The following YTHDC1 variants were observed in gnomAD, a reference collection of about 807,000 sequenced individuals.
YTHDC1 encodes YTH domain-containing protein 1.
In YTHDC1, 12 loss-of-function variants were observed where a neutral mutation model predicts 107.0. That is an observed-to-expected ratio of 0.11 (90% CI 0.07 to 0.18). The LOEUF (loss-of-function observed/expected upper bound fraction) is 0.18, where lower values mean the gene tolerates loss of function less well. YTHDC1 is among the 10% of genes least tolerant of loss of function. The probability of loss-of-function intolerance (pLI) is 1.00; values close to 1 mark genes in which losing one functional copy is unlikely to be tolerated. For missense variants in YTHDC1, 635 were observed against 898.8 expected, an observed-to-expected ratio of 0.71 and a Z score of 3.75; for synonymous variants, 280 against 289.5, an observed-to-expected ratio of 0.97 and a Z score of 0.33.
At chr4:68,348,871 C>T (rs1725741964) in intron 1 of YTHDC1, among the ~76,000 whole-genome samples, 2 of 152,204 alleles carry the variant, frequency 1.3e-5, no homozygotes, top group African/African-American at 4.8e-5. Flanking sequence ...TGAAAAAGAT[C>T]TTAAAGCAGC....
chr4:68,318,223 C>T (rs558846954), intron 15 of YTHDC1, among the ~76,000 whole-genome samples: 52 of 152,102 alleles, frequency 3.4e-4, no homozygotes, highest in African/African-American at 1.1e-3. Context: ...TCAGCCTCCC[C>T]GAGTAGCTGG....
chr4:68,337,484 T>C (rs1344878326), intron 3 of YTHDC1, 34 bp from the exon 4 acceptor site: 11 of 1,606,982 alleles, frequency 6.8e-6, no homozygotes, highest in African/African-American at 6.7e-5. Flanking sequence ...TCAGCAGTCA[T>C]ATAAAAGACA....
intron 15 of YTHDC1, among the ~76,000 whole-genome samples, chr4:68,318,248 G>A (rs529026344): frequency 1.3e-5 from 2 of 152,158 alleles, no homozygotes; most frequent in East Asian, 1.9e-4. Flanking sequence ...ACAGGCACAC[G>A]CCACCACACC....
At chr4:68,326,613 C>T (rs1263732555) in intron 9 of YTHDC1, among the ~76,000 whole-genome samples, 2 of 152,054 alleles carry the variant, frequency 1.3e-5, no homozygotes, top group Non-Finnish European at 2.9e-5. Flanking sequence ...TGTTTTGAGA[C>T]ACAGTCTCAC....
At position 68,349,909 on chromosome 4, in the gene YTHDC1, C is replaced by G. The variant is rs1376410938; in HGVS notation, c.-156G>C. On this transcript the variant is annotated 5_prime_UTR_variant, in exon 1 of 17. Coordinates refer to ENST00000344157, the MANE Select transcript of YTHDC1 (RefSeq NM_001031732.4). ...GCCTCTTAACACTCAGCCTTCTCGA[C>G]TCTTCCCGCTTTTTCCCTTTCTCCC... is the stretch of plus-strand genomic sequence containing the variant. The G allele has an allele frequency of 1.0e-6, 1 of 982,030 alleles. No homozygotes were observed. Among genetic ancestry groups the G allele is most frequent in the Non-Finnish European group, 1.5e-6 (1 of 651,234 alleles). The allele number at this position is 982,030 out of a possible 1,614,324, so 60.8% of individuals were successfully genotyped here.
intron 7 of YTHDC1, among the ~76,000 whole-genome samples, chr4:68,330,906 T>C (rs977995693): frequency 2.0e-5 from 3 of 152,080 alleles, no homozygotes; most frequent in African/African-American, 4.8e-5. Context: ...TAAAAAGAAA[T>C]GGAATAATAA....
chr4:68,339,762 T>C (rs1724610615), intron 1 of YTHDC1, among the ~76,000 whole-genome samples: 1 of 152,118 alleles, frequency 6.6e-6, no homozygotes, highest in Non-Finnish European at 1.5e-5. Context: ...AAATTATCAA[T>C]GTGCTATATA....
chr4:68,318,983 C>T lies in YTHDC1; in HGVS notation c.1685-121G>A, dbSNP rs147308825. 763 of 1,009,046 alleles carry T rather than the reference C, an allele frequency of 7.6e-4. 4 individuals are homozygous for T. In the African/African-American group the frequency reaches 0.011, roughly 14 times the overall value. 62.5% of individuals were successfully genotyped at this position (1,009,046 alleles called of 1,614,324 possible). ...CATGAAATATGTACTTTAAGTGATGCTACTACTGTATTATCCCATTTTCAA... is the reference window on the plus strand; with the variant it reads ...CATGAAATATGTACTTTAAGTGATGTTACTACTGTATTATCCCATTTTCAA... On this transcript the variant is annotated intron_variant, in intron 12 of 16. Transcript: ENST00000344157.
rs1446772842 is a variant in YTHDC1, at chr4:68,318,587, A to G, written c.1762-6T>C. ...CTCACATAATCATTGTAGGACTAAA[A>G]TAAAAGATGATAATGTCAATATAAT... On this transcript the variant is annotated splice_region_variant and splice_polypyrimidine_tract_variant and intron_variant, in intron 14 of 16. Coordinates refer to ENST00000344157, the MANE Select transcript of YTHDC1 (RefSeq NM_001031732.4). The G allele has an allele frequency of 1.2e-6, 2 of 1,610,896 alleles. No individual in the cohort carries two copies. Among genetic ancestry groups the G allele is most frequent in the South Asian group, 2.2e-5 (2 of 90,428 alleles).
chr4:68,321,410 A>T (rs1722433916), intron 11 of YTHDC1, among the ~76,000 whole-genome samples: 1 of 152,204 alleles, frequency 6.6e-6, no homozygotes, highest in African/African-American at 2.4e-5. Flanking sequence ...TACGACCGGT[A>T]TAAAACATGA....
chr4:68,343,961 T>C (rs1725135097), intron 1 of YTHDC1: 1 of 152,200 alleles, frequency 6.6e-6, no homozygotes, highest in African/African-American at 2.4e-5. Flanking sequence ...ACTCAGCTCT[T>C]GAATGCTGTT....
chr4:68,343,066 G>T (rs1725024261), intron 1 of YTHDC1, among the ~76,000 whole-genome samples: 1 of 152,068 alleles, frequency 6.6e-6, no homozygotes, highest in Admixed American at 6.5e-5. Context: ...GAAATGCCAG[G>T]TTAAGAAAAG....
In YTHDC1 at chr4:68,322,631, T is replaced by C; in HGVS notation, c.1601+118A>G. 5.4e-6 allele frequency: 7 copies of C among 1,285,940 alleles called. No homozygotes were observed. Among genetic ancestry groups the C allele is most frequent in the African/African-American group, 1.5e-5 (1 of 67,438 alleles). The allele number at this position is 1,285,940 out of a possible 1,614,324, so 79.7% of individuals were successfully genotyped here. A position where few individuals can be genotyped will look rare whatever the true frequency, so the allele number is the denominator to read the frequency against. On this transcript the variant is annotated intron_variant, in intron 11 of 16. Transcript: ENST00000344157. The surrounding 1 kb of genome is among the most constrained non-coding windows in gnomAD (Gnocchi z 4.8). ...GAAGCCACAAACTAGTCCATGCAGC[T>C]TGATTTGAGGATTTTCTCTTTCTTC...
rs866311092 is a variant in YTHDC1, at chr4:68,322,191, G to A, written c.1601+558C>T. 1.3e-5 allele frequency among the ~76,000 whole-genome samples: 2 copies of A among 152,234 alleles called. No homozygotes were observed. Among genetic ancestry groups the A allele is most frequent in the Middle Eastern group, 3.4e-3 (1 of 294 alleles). On this transcript the variant is annotated intron_variant, in intron 11 of 16. Coordinates refer to ENST00000344157, the MANE Select transcript of YTHDC1 (RefSeq NM_001031732.4). The surrounding 1 kb of genome is among the most constrained non-coding windows in gnomAD (Gnocchi z 4.8). ...ATGTTAGAGAATATTTGGCAATAGGGTTAACACATCACGGTGATAAAATCT... is the reference window on the plus strand; with the variant it reads ...ATGTTAGAGAATATTTGGCAATAGGATTAACACATCACGGTGATAAAATCT...
intron 1 of YTHDC1, among the ~76,000 whole-genome samples, chr4:68,338,632 C>T (rs1052721578): frequency 4.6e-5 from 7 of 152,358 alleles, no homozygotes; most frequent in Non-Finnish European, 8.8e-5. Flanking sequence ...AGGCCAATCA[C>T]GTGACGCCAG....
chr4:68,337,996 G>C, intron 2 of YTHDC1, 96 bp from the exon 3 acceptor site: 1 of 1,482,554 alleles, frequency 6.7e-7, no homozygotes, highest in Non-Finnish European at 8.9e-7. Flanking sequence ...CAGGAAGGGG[G>C]GATAGGCCTC....
rs1206297110 is a variant in YTHDC1, at chr4:68,312,643, T to C, written c.*1456A>G. 1 of 152,242 alleles carries C rather than the reference T, an allele frequency of 6.6e-6. No individual in the cohort carries two copies. The highest frequency in any genetic ancestry group is 1.5e-5 in the Non-Finnish European group (1 of 68,040). The allele number at this position is 152,242 out of a possible 1,614,324, so 9.4% of individuals were successfully genotyped here. ...CATGCTGGTATGAATATGAATGCAG[T>C]ATAACTATAGTTTATTATATCCTTT... On this transcript the variant is annotated 3_prime_UTR_variant, in exon 17 of 17. Coordinates refer to ENST00000344157, the MANE Select transcript of YTHDC1 (RefSeq NM_001031732.4).
At chr4:68,334,065 T>C (rs977332626) in intron 4 of YTHDC1, among the ~76,000 whole-genome samples, 4 of 152,122 alleles carry the variant, frequency 2.6e-5, no homozygotes, top group Non-Finnish European at 5.9e-5. Flanking sequence ...CTTCAGTAAA[T>C]AGAAAAGGTT....
Position 68,332,856 on chromosome 4 carries a change from A to G in YTHDC1, c.974-9T>C, listed in dbSNP as rs759545075. On this transcript the variant is annotated splice_polypyrimidine_tract_variant and intron_variant, in intron 5 of 16. Transcript: ENST00000344157. ...ATGCTTCTTTTCTGAACCTGTATTT[A>G]GCCAAAGTACATTTGTTCAGATTGA... 1 of 1,612,338 alleles carries G rather than the reference A, an allele frequency of 6.2e-7. No homozygotes were observed.
Sources: gnomAD v4.1 joint callset for allele counts (sites outside exome capture counted in the v4.1 genomes callset) on GRCh38, gnomAD v4.1.1 for gene constraint, Gnocchi (gnomAD v3.1) non-coding constraint, MANE v1.5 for transcripts, NCBI Gene and HGNC (gene_info 2026-07-23, HGNC 2026-07-21) for gene names.